Variants in GABRG3 observed in about 807,000 individuals in gnomAD.
GABRG3 encodes the protein gamma-aminobutyric acid receptor subunit gamma-3.
In GABRG3, 25 loss-of-function variants were observed where a neutral mutation model predicts 48.8. The ratio of observed to expected loss-of-function variants is 0.51; its 90% CI spans 0.37 to 0.72. GABRG3 has a LOEUF of 0.72. Among genes scored for constraint, GABRG3 ranks in the 30% least tolerant of loss-of-function variants. The pLI is 0.00. For missense variants in GABRG3, 394 were observed against 577.9 expected (o/e 0.68, Z 3.26); for synonymous variants, 227 against 217.6 (o/e 1.04, Z -0.38).
chr15:27,251,535 A>G (rs928578046), intron 3 of GABRG3, among the ~76,000 whole-genome samples: 3 of 152,214 alleles, frequency 2.0e-5, no homozygotes, highest in African/African-American at 7.2e-5. Context: ...TTCTTCATAC[A>G]TATAAGTAGT....
At chr15:27,052,706 C>T (rs748470757) in intron 3 of GABRG3, among the ~76,000 whole-genome samples, 20 of 152,100 alleles carry the variant, frequency 1.3e-4, no homozygotes, top group Non-Finnish European at 2.6e-4. Flanking sequence ...ATACAGTGGA[C>T]AATTTGGGGG....
At chr15:27,376,765 C>G (rs9707898) in intron 5 of GABRG3, among the ~76,000 whole-genome samples, 69,301 of 152,068 alleles carry the variant, frequency 0.46, 16,805 homozygotes, top group African/African-American at 0.62. Context: ...CCAAGCCTAT[C>G]ATGGGAGGGG....
chr15:27,361,247 G>C (rs1042383584), intron 5 of GABRG3, among the ~76,000 whole-genome samples: 1 of 152,156 alleles, frequency 6.6e-6, no homozygotes, highest in African/African-American at 2.4e-5. Context: ...ACTTGGAGTT[G>C]TGAATGCGGT....
At chr15:27,283,126 G>C (rs949837320) in intron 3 of GABRG3, among the ~76,000 whole-genome samples, 8 of 152,150 alleles carry the variant, frequency 5.3e-5, no homozygotes, top group African/African-American at 1.9e-4. Context: ...TCATCCTCTT[G>C]GCAAGGTGGA....
chr15:27,275,892 G>A (rs1393857355), intron 3 of GABRG3, among the ~76,000 whole-genome samples: 1 of 152,214 alleles, frequency 6.6e-6, no homozygotes, highest in African/African-American at 2.4e-5. Flanking sequence ...ACAAGGAGGT[G>A]GGAGAAAGTA....
chr15:27,049,324 C>T lies in GABRG3; in HGVS notation c.270+22503C>T, dbSNP rs574467838. 7.2e-5 allele frequency among the ~76,000 whole-genome samples: 11 copies of T among 152,364 alleles called. No homozygotes were observed. In the South Asian group the frequency reaches 1.9e-3, roughly 26 times the overall value. On this transcript the variant is annotated intron_variant, in intron 3 of 9. Coordinates refer to ENST00000615808, the MANE Select transcript of GABRG3 (RefSeq NM_033223.5). ...GTCCACAGACTACAGTCGCACAAAT[C>T]AGAGCTTCATTTATTTAAACCCTCA... is the stretch of plus-strand genomic sequence containing the variant.
At chr15:27,008,880 G>C (rs1338055244) in intron 2 of GABRG3, among the ~76,000 whole-genome samples, 1 of 152,100 alleles carries the variant, frequency 6.6e-6, no homozygotes, top group Non-Finnish European at 1.5e-5. Flanking sequence ...ATGGCACCTC[G>C]CTAGGGGCTG....
At chr15:27,507,314 G>A (rs145629034) in intron 6 of GABRG3, among the ~76,000 whole-genome samples, 75 of 152,156 alleles carry the variant, frequency 4.9e-4, no homozygotes, top group Non-Finnish European at 7.5e-4. Flanking sequence ...GACCAGCCTG[G>A]CCAAAATGGT....
intron 3 of GABRG3, among the ~76,000 whole-genome samples, chr15:27,254,215 T>C (rs1051011587): frequency 1.3e-5 from 2 of 152,044 alleles, no homozygotes; most frequent in African/African-American, 2.4e-5. Flanking sequence ...CCTGGAGATA[T>C]GCCAGGTGGG....
At chr15:27,403,313 A>C (rs987051410) in intron 5 of GABRG3, among the ~76,000 whole-genome samples, 1 of 152,180 alleles carries the variant, frequency 6.6e-6, no homozygotes, top group Non-Finnish European at 1.5e-5. Context: ...ATGTAATTGG[A>C]ATTCAGAAAA....
intron 3 of GABRG3, among the ~76,000 whole-genome samples, chr15:27,099,091 C>T (rs888431518): frequency 7.2e-5 from 11 of 152,136 alleles, no homozygotes; most frequent in African/African-American, 2.2e-4. Flanking sequence ...GTTTTGCCAA[C>T]AGCAAGATGA....
chr15:26,984,062 A>T (rs1216912440), intron 2 of GABRG3, among the ~76,000 whole-genome samples: 1 of 151,102 alleles, frequency 6.6e-6, no homozygotes, highest in Non-Finnish European at 1.5e-5. Context: ...CCACCTCCCC[A>T]CTGTGGTGGT....
At chr15:27,362,744 C>T (rs967708305) in intron 5 of GABRG3, 1 of 152,188 alleles carries the variant, frequency 6.6e-6, no homozygotes, top group African/African-American at 2.4e-5. Flanking sequence ...ACATCATGTT[C>T]AGGTTTAAGT....
intron 5 of GABRG3, among the ~76,000 whole-genome samples, chr15:27,467,337 A>G (rs932876756): frequency 2.6e-5 from 4 of 152,242 alleles, no homozygotes; most frequent in African/African-American, 7.2e-5. Context: ...TCAACGTATG[A>G]ATTTGTGGGG....
At chr15:27,398,770 G>A (rs76777074) in intron 5 of GABRG3, among the ~76,000 whole-genome samples, 4,095 of 152,194 alleles carry the variant, frequency 0.027, 191 homozygotes, top group African/African-American at 0.094. Context: ...ACTGGCCAAC[G>A]TGTACCTGAC....
At chr15:27,151,363 T>A (rs1202598213) in intron 3 of GABRG3, among the ~76,000 whole-genome samples, 6 of 152,158 alleles carry the variant, frequency 3.9e-5, no homozygotes, top group Non-Finnish European at 8.8e-5. Flanking sequence ...GACTGTTTTT[T>A]TTTTTTTAAT....
At position 26,976,707 on chromosome 15, in the gene GABRG3, C is replaced by T. The variant is rs555780065; in HGVS notation, c.54-295C>T. ...AAGGGTGTGTTGCCTGCTGGTTGGC[C>T]CTCTGGTGTTGTTTACCTGCCACGT... is the stretch of plus-strand genomic sequence containing the variant. On this transcript the variant is annotated intron_variant, in intron 1 of 9. Coordinates refer to ENST00000615808, the MANE Select transcript of GABRG3 (RefSeq NM_033223.5). This position sits in a 1 kb window ranked among gnomAD's most constrained non-coding sequence, Gnocchi z 7.8. Among the ~76,000 whole-genome samples the T allele has an allele frequency of 5.4e-4, 82 of 152,174 alleles. No individual in the cohort carries two copies. The highest frequency in any genetic ancestry group is 1.2e-3 in the Admixed American group (18 of 15,298).
intron 6 of GABRG3, among the ~76,000 whole-genome samples, chr15:27,515,452 C>A (rs1890996815): frequency 1.3e-5 from 2 of 152,096 alleles, no homozygotes; most frequent in African/African-American, 2.4e-5. Flanking sequence ...CACCTCAGGG[C>A]AAACTTGAAG....
rs1384787402 is a variant in GABRG3 at position 27,534,715 on chromosome 15, A to T, written c.*1834A>T. The T allele has an allele frequency of 6.6e-6, 1 of 152,246 alleles. No individual in the cohort carries two copies. The highest frequency in any genetic ancestry group is 6.5e-5 in the Admixed American group (1 of 15,280). The allele number at this position is 152,246 out of a possible 1,614,324, so 9.4% of individuals were successfully genotyped here. On this transcript the variant is annotated 3_prime_UTR_variant, in exon 10 of 10. Transcript: ENST00000615808. ...ACACAGAAGAGGATGGGAGCAGAAG[A>T]GGCCAGAAAAAGTGAAATTAGATTC...
Sources: allele counts gnomAD v4.1 joint callset (sites outside exome capture counted in the v4.1 genomes callset), GRCh38; gene constraint gnomAD v4.1.1; non-coding constraint Gnocchi (gnomAD v3.1); transcripts MANE v1.5; gene names NCBI Gene and HGNC (gene_info 2026-07-23, HGNC 2026-07-21).